NAA25: variants seen among roughly 807,000 people sequenced by gnomAD.
NAA25 encodes N-terminal acetyltransferase B complex subunit NAA25.
NAA25 carries 30 observed loss-of-function variants against 132.5 expected under a neutral mutation model. The ratio of observed to expected loss-of-function variants is 0.23; its 90% CI spans 0.17 to 0.31. The LOEUF (loss-of-function observed/expected upper bound fraction) is 0.31. Among genes scored for constraint, NAA25 ranks in the 10% least tolerant of loss-of-function variants. The pLI is 1.00. For synonymous variants in NAA25, 359 were observed against 401.9 expected (o/e 0.89, Z 1.28); for missense variants, 771 against 1,150.4 (o/e 0.67, Z 4.77).
intron 1 of NAA25, among the ~76,000 whole-genome samples, chr12:112,094,629 CAGG>C (rs2136934986): frequency 6.6e-6 from 1 of 152,126 alleles, no homozygotes; most frequent in East Asian, 1.9e-4. Flanking sequence ...TCAATAATAG[CAGG>C]AGTAGGCAAG....
In NAA25 at chr12:112,093,081, C is replaced by T. The variant is rs1286660642; in HGVS notation, c.114G>A (p.Leu38=). 2 of 1,612,868 alleles carry T rather than the reference C, an allele frequency of 1.2e-6. No individual in the cohort carries two copies. Among genetic ancestry groups the T allele is most frequent in the African/African-American group, 2.7e-5 (2 of 74,986 alleles). ...KMAIQQADKL[L]KKHKDLHCAK... The stretch of plus-strand genomic sequence containing the variant: ...CACAATGAAGATCCTTATGTTTCTT[C>T]AACAGTTTATCTGCTTGCTGAATTG... The change falls in exon 2 of 24, where the codon TTG becomes TTA. Residue 38 remains leucine, a synonymous_variant. Transcript: ENST00000261745.
chr12:112,061,160 A>G (rs2078624504), intron 12 of NAA25, 21 bp downstream of exon 12: 2 of 1,559,702 alleles, frequency 1.3e-6, no homozygotes, highest in South Asian at 1.2e-5. Flanking sequence ...GAACTACTGC[A>G]CATTTTGAAT....
intron 8 of NAA25, among the ~76,000 whole-genome samples, chr12:112,075,454 G>T (rs1422010140): frequency 6.6e-6 from 1 of 152,170 alleles, no homozygotes; most frequent in Non-Finnish European, 1.5e-5. Flanking sequence ...CTCTCAAAGT[G>T]CTGGGATCAT....
intron 1 of NAA25, among the ~76,000 whole-genome samples, 183 bp from the exon 2 acceptor site, chr12:112,093,319 C>T (rs938729265): frequency 1.3e-5 from 2 of 151,936 alleles, no homozygotes; most frequent in African/African-American, 2.4e-5. Context: ...GCAGATGGAT[C>T]ACTTGAGGCC....
chr12:112,088,303 G>GT (rs2079082986), intron 3 of NAA25, among the ~76,000 whole-genome samples: 1 of 142,698 alleles, frequency 7.0e-6, no homozygotes, highest in African/African-American at 2.6e-5. Context: ...TCTTATATAA[G>GT]TAAGTATATT....
At chr12:112,043,568 A>G in intron 18 of NAA25, 57 bp downstream of exon 18, 1 of 1,585,772 alleles carries the variant, frequency 6.3e-7, no homozygotes, top group Non-Finnish European at 8.6e-7. Flanking sequence ...TCCTGTTTAT[A>G]AAACAGTCAT....
chr12:112,087,784 G>C lies in NAA25; in HGVS notation c.301C>G (p.Leu101Val). Residue 101 changes from leucine to valine, a missense_variant, in exon 4 of 24, where the codon CTT (leucine) becomes GTT (valine). This residue lies in a region of NAA25 where 417 missense variants were observed against 733.8 expected (regional missense o/e 0.57). Transcript: ENST00000261745. ...ACTTTCTTCACAGCTGCCTCATAAA[G>C]TTTTGTAACTAACTCCGCTAAGATA... ...EMHRPELVTK[L>V]YEAAVKKVPN... 6.2e-7 allele frequency: 1 copy of C among 1,610,884 alleles called. No individual in the cohort carries two copies. Among genetic ancestry groups the C allele is most frequent in the Non-Finnish European group, 8.5e-7 (1 of 1,177,096 alleles).
chr12:112,052,779 T>C (rs189493203), intron 15 of NAA25, among the ~76,000 whole-genome samples: 54 of 152,340 alleles, frequency 3.5e-4, no homozygotes, highest in Non-Finnish European at 7.3e-4. Context: ...ACCATGAGAA[T>C]GGAAAGCTAT....
intron 21 of NAA25, 35 bp downstream of exon 21, chr12:112,040,446 C>A (rs1396697659): frequency 1.5e-6 from 2 of 1,302,722 alleles, no homozygotes; most frequent in African/African-American, 1.5e-5. Flanking sequence ...CCATTAAGAA[C>A]AACAATGTCT....
At position 112,084,598 on chromosome 12, in the gene NAA25, G is replaced by A. The variant is rs548235933; in HGVS notation, c.402+3085C>T. 2.0e-5 allele frequency among the ~76,000 whole-genome samples: 3 copies of A among 151,924 alleles called. No individual in the cohort carries two copies. In the South Asian group the frequency reaches 6.2e-4, roughly 32 times the overall value. ...GAGGTCAAGAGATCGAGACCAGCCT[G>A]GCCAGCATGGTGAAACCCCATCTCT... is the stretch of plus-strand genomic sequence containing the variant. On this transcript the variant is annotated intron_variant, in intron 4 of 23. Transcript: ENST00000261745.
At chr12:112,081,021 A>C in intron 5 of NAA25, 39 bp downstream of exon 5, 2 of 1,532,004 alleles carry the variant, frequency 1.3e-6, no homozygotes, top group Non-Finnish European at 1.8e-6. Context: ...TATAAAAAAT[A>C]AAACCAAACC....
intron 17 of NAA25, among the ~76,000 whole-genome samples, 164 bp downstream of exon 17, chr12:112,047,501 C>T (rs1389062285): frequency 6.6e-6 from 1 of 152,058 alleles, no homozygotes; most frequent in Non-Finnish European, 1.5e-5. Flanking sequence ...CAAAGTGCTG[C>T]AATTACAGGC....
intron 9 of NAA25, among the ~76,000 whole-genome samples, chr12:112,072,488 A>G (rs2078826430): frequency 6.6e-6 from 1 of 151,990 alleles, no homozygotes; most frequent in African/African-American, 2.4e-5. Flanking sequence ...ATGCACCTGT[A>G]GTCCCAGCTA....
chr12:112,086,270 T>C (rs1593820184), intron 4 of NAA25, among the ~76,000 whole-genome samples: 1 of 150,518 alleles, frequency 6.6e-6, no homozygotes, highest in African/African-American at 2.4e-5. Flanking sequence ...CCAAGGTGGG[T>C]GGATCACTTG....
intron 1 of NAA25, among the ~76,000 whole-genome samples, chr12:112,094,108 G>A (rs1481106130): frequency 6.6e-6 from 1 of 151,736 alleles, no homozygotes; most frequent in Admixed American, 6.6e-5. Context: ...AGGCGTGGTG[G>A]TGGGCTCCTG....
chr12:112,079,198 T>C (rs1227814385), intron 5 of NAA25, among the ~76,000 whole-genome samples: 3 of 152,154 alleles, frequency 2.0e-5, no homozygotes, highest in Non-Finnish European at 4.4e-5. Flanking sequence ...ACACATGAAA[T>C]TAATAAAGTT....
chr12:112,059,318 G>A (rs931199432), intron 13 of NAA25, among the ~76,000 whole-genome samples: 2 of 151,958 alleles, frequency 1.3e-5, no homozygotes, highest in African/African-American at 4.8e-5. Context: ...CATGAGGGCA[G>A]GGGTTGTGTT....
chr12:112,094,038 G>C (rs2079175767), intron 1 of NAA25, among the ~76,000 whole-genome samples: 1 of 151,946 alleles, frequency 6.6e-6, no homozygotes, highest in African/African-American at 2.4e-5. Context: ...AGGAGATCGA[G>C]ACCATCCTGG....
At chr12:112,091,225 CAGA>C (rs910174435) in intron 2 of NAA25, among the ~76,000 whole-genome samples, 7 of 146,600 alleles carry the variant, frequency 4.8e-5, no homozygotes, top group Admixed American at 4.2e-4. Context: ...GCGTGGGTGA[CAGA>C]AGGAGATCCT....
Sources: allele counts gnomAD v4.1 joint callset (sites outside exome capture counted in the v4.1 genomes callset), GRCh38; gene constraint gnomAD v4.1.1; regional missense constraint gnomAD v4.1.1; transcripts MANE v1.5; gene names NCBI Gene and HGNC (gene_info 2026-07-23, HGNC 2026-07-21).